Variants in DEFB125 observed in about 807,000 individuals in gnomAD.
DEFB125 encodes the protein beta-defensin 125.
In DEFB125, 11 loss-of-function variants were observed where a neutral mutation model predicts 11.8. The ratio of observed to expected loss-of-function variants is 0.94; its 90% CI spans 0.59 to 1.55. The LOEUF is 1.55. DEFB125 is among the 40% of genes most tolerant of loss of function. The pLI, the probability that DEFB125 is intolerant of heterozygous loss-of-function variation, is 0.00. For synonymous variants in DEFB125, 79 were observed against 66.7 expected (o/e 1.18, Z -0.90); for missense variants, 198 against 191.2 (o/e 1.04, Z -0.21).
chr20:96,846 T>C lies in DEFB125; in HGVS notation c.*429T>C. The C allele has an allele frequency of 6.3e-6, 1 of 158,890 alleles. No individual in the cohort carries two copies. 9.8% of individuals were successfully genotyped at this position (158,890 alleles called of 1,614,324 possible). On this transcript the variant is annotated 3_prime_UTR_variant, in exon 2 of 2. Transcript: ENST00000382410. Reference sequence around the variant, plus strand: ...CTACTATCGTATATAGGAGAACATATAAAAGCATATAGAAAGTTCCAGATG... The same window carrying C: ...CTACTATCGTATATAGGAGAACATACAAAAGCATATAGAAAGTTCCAGATG...
intron 1 of DEFB125, among the ~76,000 whole-genome samples, chr20:94,815 C>A (rs1039317121): frequency 1.3e-5 from 2 of 152,196 alleles, no homozygotes; most frequent in African/African-American, 4.8e-5. Context: ...CTTCTATGAA[C>A]TCAACTTTTT....
intron 1 of DEFB125, among the ~76,000 whole-genome samples, chr20:95,472 G>C (rs535833655): frequency 6.6e-6 from 1 of 152,146 alleles, no homozygotes; most frequent in Non-Finnish European, 1.5e-5. Flanking sequence ...TGTGCTGCTG[G>C]ATTCAGTTTG....
chr20:92,350 T>C (rs1344416646), intron 1 of DEFB125, among the ~76,000 whole-genome samples: 1 of 151,806 alleles, frequency 6.6e-6, no homozygotes, highest in Non-Finnish European at 1.5e-5. Context: ...GTAGTCACAC[T>C]GCTTGGAAAT....
chr20:91,186 T>C (rs2054494857), intron 1 of DEFB125, among the ~76,000 whole-genome samples: 1 of 152,206 alleles, frequency 6.6e-6, no homozygotes, highest in Non-Finnish European at 1.5e-5. Flanking sequence ...TTGAGCTCCT[T>C]ATATTAATAT....
rs200257910 is a variant in DEFB125 at position 87,695 on chromosome 20, T to G, written c.-15T>G. The G allele has an allele frequency of 5.8e-5, 94 of 1,612,888 alleles. 1 individual carries two copies. Among genetic ancestry groups the G allele is most frequent in the East Asian group, 4.5e-5 (2 of 44,866 alleles). On this transcript the variant is annotated 5_prime_UTR_variant, in exon 1 of 2. Coordinates refer to ENST00000382410, the MANE Select transcript of DEFB125 (RefSeq NM_153325.4). The stretch of plus-strand genomic sequence containing the variant: ...GTATTCCTCAGGACACAGAGCTTCC[T>G]CTCTCCCAGGAGCCATGAATATCCT...
In DEFB125 at chr20:96,384, AC is replaced by A; in HGVS notation, c.440del (p.Pro147HisfsTer12). 6.2e-7 allele frequency: 1 copy of A among 1,613,824 alleles called. No homozygotes were observed. Among genetic ancestry groups the A allele is most frequent in the Non-Finnish European group, 8.5e-7 (1 of 1,179,816 alleles). The stretch of plus-strand genomic sequence containing the variant: ...AGACTGCTACTTCCGAGACTATGCC[AC>A]CACCTTCTCAGACAGCTCTTACTCA... Reference protein sequence around the residue: ...SETATSETMPPPSQTALTHN With the variant: ...SETATSETMPXPSQTALTHN On this transcript the variant is annotated frameshift_variant, in exon 2 of 2. Transcript: ENST00000382410. LOFTEE classifies it high-confidence loss of function.
chr20:94,244 C>T (rs750850337), intron 1 of DEFB125, among the ~76,000 whole-genome samples: 80 of 152,118 alleles, frequency 5.3e-4, no homozygotes, highest in Non-Finnish European at 1.0e-3. Flanking sequence ...TCACCTCAAA[C>T]ATTTGTCATT....
Position 96,206 on chromosome 20 carries a change from CTT to C in DEFB125, c.263_264del (p.Phe88TyrfsTer10), listed in dbSNP as rs1384742039. The C allele has an allele frequency of 1.2e-6, 2 of 1,614,182 alleles. No individual in the cohort carries two copies. Among genetic ancestry groups the C allele is most frequent in the Non-Finnish European group, 1.7e-6 (2 of 1,180,026 alleles). On this transcript the variant is annotated frameshift_variant, in exon 2 of 2. Coordinates refer to ENST00000382410, the MANE Select transcript of DEFB125 (RefSeq NM_153325.4). LOFTEE classifies it high-confidence loss of function. ...ACATTGGATTATAGTGATGTGGACT[CTT>C]TTACTGGTTCCCCAGTATCTATGTT...
intron 1 of DEFB125, among the ~76,000 whole-genome samples, chr20:89,818 A>C (rs923163445): frequency 2.9e-4 from 44 of 152,056 alleles, no homozygotes; most frequent in African/African-American, 1.1e-3. Flanking sequence ...TGTATATTTA[A>C]CTTTTCTACA....
intron 1 of DEFB125, among the ~76,000 whole-genome samples, chr20:91,275 G>T (rs1026219645): frequency 6.6e-6 from 1 of 152,138 alleles, no homozygotes; most frequent in South Asian, 2.1e-4. Context: ...TCTTCACTTT[G>T]TTGATTATTT....
intron 1 of DEFB125, among the ~76,000 whole-genome samples, chr20:90,950 T>C (rs951402539): frequency 2.0e-4 from 31 of 152,308 alleles, no homozygotes; most frequent in Admixed American, 1.7e-3. Context: ...CTTAAATCTA[T>C]TCTCCCTTCT....
intron 1 of DEFB125, among the ~76,000 whole-genome samples, chr20:93,568 A>G (rs2054504289): frequency 1.3e-5 from 2 of 150,508 alleles, no homozygotes; most frequent in Non-Finnish European, 3.0e-5. Flanking sequence ...TGCCTTCATC[A>G]TTTTTTTTTA....
Position 96,230 on chromosome 20 carries a change from T to C in DEFB125, c.284T>C (p.Met95Thr). ...TCTTTTACTGGTTCCCCAGTATCTATGTTGAATGATCTGATAACATTTGAC... is the reference window on the plus strand; with the variant it reads ...TCTTTTACTGGTTCCCCAGTATCTACGTTGAATGATCTGATAACATTTGAC... Reference protein sequence around the residue: ...VDSFTGSPVSMLNDLITFDTT... With the variant: ...VDSFTGSPVSTLNDLITFDTT... Residue 95 changes from methionine to threonine, a missense_variant, in exon 2 of 2, where the codon ATG becomes ACG. By Grantham distance (81) the Met-to-Thr change is moderately conservative. Transcript: ENST00000382410. 5.0e-6 allele frequency: 8 copies of C among 1,614,214 alleles called. No individual in the cohort carries two copies. Among genetic ancestry groups the C allele is most frequent in the Non-Finnish European group, 6.8e-6 (8 of 1,180,034 alleles).
Position 96,544 on chromosome 20 carries a change from A to G in DEFB125, c.*127A>G, listed in dbSNP as rs1024949717. ...GGATTGGATGACCATGGGGATGGAC[A>G]TAATTGCTACTACCAACACAACAGC... On this transcript the variant is annotated 3_prime_UTR_variant, in exon 2 of 2. Transcript: ENST00000382410. The G allele has an allele frequency of 2.1e-5, 25 of 1,177,946 alleles. No individual in the cohort carries two copies. Among genetic ancestry groups the G allele is most frequent in the Non-Finnish European group, 3.0e-5 (25 of 843,192 alleles). 73.0% of individuals were successfully genotyped at this position (1,177,946 alleles called of 1,614,324 possible).
chr20:91,843 G>A (rs1169775667), intron 1 of DEFB125, among the ~76,000 whole-genome samples: 1 of 152,322 alleles, frequency 6.6e-6, no homozygotes, highest in South Asian at 2.1e-4. Flanking sequence ...GAAGAAGCAA[G>A]GTTAGAGTCT....
At position 96,383 on chromosome 20, in the gene DEFB125, C is replaced by T. The variant is rs1190740188; in HGVS notation, c.437C>T (p.Pro146Leu). 1.2e-6 allele frequency: 2 copies of T among 1,613,792 alleles called. No individual in the cohort carries two copies. The highest frequency in any genetic ancestry group is 8.5e-7 in the Non-Finnish European group (1 of 1,179,834). Residue 146 changes from proline to leucine, a missense_variant, in exon 2 of 2, where the codon CCA becomes CTA. By Grantham distance (98) the Pro-to-Leu change is moderately conservative. Coordinates refer to ENST00000382410, the MANE Select transcript of DEFB125 (RefSeq NM_153325.4). ...PSETATSETMPPPSQTALTHN is the reference protein window; with the variant it reads ...PSETATSETMLPPSQTALTHN Reference sequence around the variant, plus strand: ...GAGACTGCTACTTCCGAGACTATGCCACCACCTTCTCAGACAGCTCTTACT... The same window carrying T: ...GAGACTGCTACTTCCGAGACTATGCTACCACCTTCTCAGACAGCTCTTACT...
At chr20:89,774 TA>T (rs1216702736) in intron 1 of DEFB125, among the ~76,000 whole-genome samples, 1 of 152,008 alleles carries the variant, frequency 6.6e-6, no homozygotes, top group African/African-American at 2.4e-5. Flanking sequence ...TGTCTGTGAG[TA>T]ATGGGGAAGT....
chr20:93,744 C>A (rs2054504821), intron 1 of DEFB125, among the ~76,000 whole-genome samples: 1 of 152,182 alleles, frequency 6.6e-6, no homozygotes. Context: ...TATCTCCAGT[C>A]TTTCAACAAC....
At chr20:93,862 C>T (rs544079263) in intron 1 of DEFB125, among the ~76,000 whole-genome samples, 206 of 152,182 alleles carry the variant, frequency 1.4e-3, no homozygotes, top group Middle Eastern at 3.4e-3. Flanking sequence ...TAGTCCAGGT[C>T]CTTTGAGCCT....
Sources: allele counts gnomAD v4.1 joint callset (sites outside exome capture counted in the v4.1 genomes callset), GRCh38; gene constraint gnomAD v4.1.1; transcripts MANE v1.5; gene names NCBI Gene and HGNC (gene_info 2026-07-23, HGNC 2026-07-21).